The following DDX10 variants were observed in gnomAD, a reference collection of about 807,000 sequenced individuals.
DDX10 encodes the protein DEAD-box helicase 10, also known as probable ATP-dependent RNA helicase DDX10.
DDX10 carries 74 observed loss-of-function variants against 104.3 expected under a neutral mutation model. That is an observed-to-expected ratio of 0.71 (90% CI 0.59 to 0.86). DDX10 has a LOEUF of 0.86. DDX10 is among the 40% of genes least tolerant of loss of function. DDX10 has a pLI of 0.00. For synonymous variants in DDX10, 351 were observed against 353.4 expected, an observed-to-expected ratio of 0.99 and a Z score of 0.08; for missense variants, 952 against 1,040.0, an observed-to-expected ratio of 0.92 and a Z score of 1.16.
intron 17 of DDX10, among the ~76,000 whole-genome samples, chr11:108,935,066 T>C (rs1002938682): frequency 1.3e-5 from 2 of 152,210 alleles, no homozygotes; most frequent in African/African-American, 4.8e-5. Flanking sequence ...TGGACCTTTA[T>C]TGAATGAATT....
intron 13 of DDX10, among the ~76,000 whole-genome samples, chr11:108,805,362 A>C (rs1862083818): frequency 6.6e-6 from 1 of 152,254 alleles, no homozygotes; most frequent in East Asian, 1.9e-4. Flanking sequence ...TAAGATTTTC[A>C]TAAAATTATT....
intron 11 of DDX10, 39 bp downstream of exon 11, chr11:108,716,005 A>G (rs994619789): frequency 1.9e-6 from 2 of 1,080,444 alleles, no homozygotes; most frequent in Non-Finnish European, 2.8e-6. Context: ...ATTGACTGGA[A>G]AAACAGTAAA....
chr11:108,911,553 CTTCTTTTTTTTTTTT>C (rs1312279396), intron 16 of DDX10, among the ~76,000 whole-genome samples: 8 of 117,146 alleles, frequency 6.8e-5, no homozygotes, highest in Non-Finnish European at 1.2e-4. Context: ...TTTGCCTCCT[CTTCTTTTTTTTTTTT>C]TTTTTTTTTT....
chr11:108,886,122 A>C (rs1331042798), intron 16 of DDX10, among the ~76,000 whole-genome samples: 1 of 152,168 alleles, frequency 6.6e-6, no homozygotes, highest in East Asian at 1.9e-4. Context: ...TTTTATTTTG[A>C]GAAGGGGAGG....
chr11:108,861,091 G>A (rs538079490), intron 16 of DDX10: 1 of 151,156 alleles, frequency 6.6e-6, no homozygotes, highest in Admixed American at 6.6e-5. Context: ...GTGGGCTAGG[G>A]AAGGCAAATT....
chr11:108,752,590 A>C (rs1303100113), intron 13 of DDX10, among the ~76,000 whole-genome samples: 7 of 152,226 alleles, frequency 4.6e-5, no homozygotes, highest in Non-Finnish European at 8.8e-5. Flanking sequence ...TAGCTGATGA[A>C]TGTCATGAAT....
At chr11:108,818,770 TG>T (rs1245628369) in intron 13 of DDX10, among the ~76,000 whole-genome samples, 1 of 152,226 alleles carries the variant, frequency 6.6e-6, no homozygotes, top group Non-Finnish European at 1.5e-5. Context: ...CCACACTGAA[TG>T]CCAAAGATTG....
chr11:108,867,986 C>G (rs1251277697), intron 16 of DDX10, among the ~76,000 whole-genome samples: 1 of 152,070 alleles, frequency 6.6e-6, no homozygotes, highest in East Asian at 1.9e-4. Flanking sequence ...AGATCTCTTT[C>G]ATTTGAATGG....
At chr11:108,809,428 A>T (rs1354306879) in intron 13 of DDX10, among the ~76,000 whole-genome samples, 1 of 152,182 alleles carries the variant, frequency 6.6e-6, no homozygotes, top group Non-Finnish European at 1.5e-5. Flanking sequence ...GAAACAGAGA[A>T]CAAGCTGCTC....
chr11:108,686,323 GATAAC>G (rs2094244032), intron 6 of DDX10, among the ~76,000 whole-genome samples: 1 of 152,022 alleles, frequency 6.6e-6, no homozygotes, highest in Non-Finnish European at 1.5e-5. Flanking sequence ...ACAAATTTAT[GATAAC>G]ATATGTCTAC....
chr11:108,699,698 A>G (rs1193382946), intron 9 of DDX10, among the ~76,000 whole-genome samples: 1 of 152,320 alleles, frequency 6.6e-6, no homozygotes, highest in African/African-American at 2.4e-5. Flanking sequence ...GGGGGACTAC[A>G]CAAGGGTGTC....
chr11:108,894,466 C>T (rs1197275706), intron 16 of DDX10, among the ~76,000 whole-genome samples: 1 of 151,920 alleles, frequency 6.6e-6, no homozygotes, highest in Non-Finnish European at 1.5e-5. Flanking sequence ...TTGTTATGTG[C>T]TACAGATCAT....
intron 16 of DDX10, among the ~76,000 whole-genome samples, chr11:108,884,933 A>G (rs1006161264): frequency 5.3e-5 from 8 of 152,154 alleles, no homozygotes; most frequent in Admixed American, 1.3e-4. Flanking sequence ...CATATTTATA[A>G]TATGACTCAT....
intron 13 of DDX10, among the ~76,000 whole-genome samples, chr11:108,793,886 G>GT (rs35778322): frequency 2.7e-5 from 4 of 146,568 alleles, no homozygotes; most frequent in Non-Finnish European, 4.5e-5. Context: ...TGAGATAAAT[G>GT]TTTTTTTTTT....
chr11:108,759,862 T>G (rs1591811191), intron 13 of DDX10, among the ~76,000 whole-genome samples: 1 of 152,176 alleles, frequency 6.6e-6, no homozygotes, highest in East Asian at 1.9e-4. Context: ...TTAGTATTAT[T>G]ATAAAATTAC....
At chr11:108,820,051 T>C (rs187368994) in intron 13 of DDX10, among the ~76,000 whole-genome samples, 1 of 152,334 alleles carries the variant, frequency 6.6e-6, no homozygotes, top group Non-Finnish European at 1.5e-5. Flanking sequence ...AAGATAAATT[T>C]TGATGTTTGA....
intron 16 of DDX10, among the ~76,000 whole-genome samples, chr11:108,897,846 A>G (rs1863461225): frequency 6.6e-6 from 1 of 152,164 alleles, no homozygotes; most frequent in Admixed American, 6.5e-5. Context: ...CAAAGGAACC[A>G]TCTTCCAGCC....
chr11:108,880,279 C>G (rs1005980659), intron 16 of DDX10, among the ~76,000 whole-genome samples: 1 of 152,124 alleles, frequency 6.6e-6, no homozygotes, highest in Non-Finnish European at 1.5e-5. Flanking sequence ...TCCTCTTCTT[C>G]TAAGTGTACT....
chr11:108,773,523 C>A (rs536946026), intron 13 of DDX10, among the ~76,000 whole-genome samples: 5 of 152,094 alleles, frequency 3.3e-5, no homozygotes, highest in Admixed American at 1.3e-4. Flanking sequence ...TTTTCTCTCC[C>A]TTTTCTGCTT....
Sources: gnomAD v4.1 joint callset for allele counts (sites outside exome capture counted in the v4.1 genomes callset) on GRCh38, gnomAD v4.1.1 for gene constraint, MANE v1.5 for transcripts, NCBI Gene and HGNC (gene_info 2026-07-23, HGNC 2026-07-21) for gene names.